The following EPS8 variants were observed in gnomAD, a reference collection of about 807,000 sequenced individuals.
EPS8 encodes the protein epidermal growth factor receptor kinase substrate 8.
In EPS8, 42 loss-of-function variants were observed where a neutral mutation model predicts 103.8. The ratio of observed to expected loss-of-function variants is 0.40; its 90% CI spans 0.32 to 0.52. The LOEUF is 0.52. Among genes scored for constraint, EPS8 ranks in the 20% least tolerant of loss-of-function variants. EPS8 has a pLI of 0.40. For missense variants in EPS8, 969 were observed against 1,005.1 expected (o/e 0.96, Z 0.49); for synonymous variants, 344 against 344.6 (o/e 1.00, Z 0.02).
intron 8 of EPS8, among the ~76,000 whole-genome samples, chr12:15,663,944 A>AATAAT (rs869135353): frequency 1.2e-5 from 1 of 85,974 alleles, no homozygotes; most frequent in African/African-American, 4.5e-5. Flanking sequence ...AAAAAAAAAA[A>AATAAT]AATAATATAT....
chr12:15,723,835 A>T (rs1388939998), intron 1 of EPS8, among the ~76,000 whole-genome samples: 1 of 152,172 alleles, frequency 6.6e-6, no homozygotes, highest in Non-Finnish European at 1.5e-5. Flanking sequence ...AAGAAGATGA[A>T]GTTTACCCAC....
intron 18 of EPS8, 144 bp downstream of exon 18, chr12:15,631,298 A>T: frequency 8.6e-7 from 1 of 1,161,696 alleles, no homozygotes; most frequent in Non-Finnish European, 1.2e-6. Context: ...GCTGATGAGA[A>T]ACCAGGTGAA....
Position 15,727,312 on chromosome 12 carries a change from C to G in EPS8, c.-21-44340G>C, listed in dbSNP as rs187194258. ...CGAAGTAGATTAACTCTCACTATAT[C>G]CCCAAGTAGATCTGACCATTTGGCA... On this transcript the variant is annotated intron_variant, in intron 1 of 20. Transcript: ENST00000281172. The surrounding 1 kb of genome is among the most constrained non-coding windows in gnomAD (Gnocchi z 4.3). Among the ~76,000 whole-genome samples the G allele has an allele frequency of 3.9e-3, 597 of 152,278 alleles. 3 individuals are homozygous for G. Among genetic ancestry groups the G allele is most frequent in the Middle Eastern group, 0.017 (5 of 292 alleles).
At chr12:15,669,292 G>A in intron 6 of EPS8, 95 bp downstream of exon 6, 1 of 1,077,918 alleles carries the variant, frequency 9.3e-7, no homozygotes, top group Non-Finnish European at 1.3e-6. Context: ...TAAAAATCTA[G>A]TAACTAATAT....
chr12:15,643,852 G>A (rs1412871467), intron 15 of EPS8, among the ~76,000 whole-genome samples: 1 of 151,730 alleles, frequency 6.6e-6, no homozygotes, highest in Non-Finnish European at 1.5e-5. Flanking sequence ...CCACTTGATA[G>A]AGAGCAGACA....
chr12:15,663,944 A>AAAAAAAAAT (rs1555112203), intron 8 of EPS8, among the ~76,000 whole-genome samples: 2 of 85,976 alleles, frequency 2.3e-5, no homozygotes, highest in African/African-American at 9.0e-5. Context: ...AAAAAAAAAA[A>AAAAAAAAAT]AATAATATAT....
chr12:15,623,867 T>C (rs1020046295), intron 19 of EPS8, among the ~76,000 whole-genome samples: 4 of 152,210 alleles, frequency 2.6e-5, no homozygotes, highest in African/African-American at 9.6e-5. Flanking sequence ...AAGCTTATGC[T>C]CTATGTCCTA....
chr12:15,691,523 G>T (rs998313358), intron 1 of EPS8, among the ~76,000 whole-genome samples: 2 of 152,176 alleles, frequency 1.3e-5, no homozygotes, highest in Non-Finnish European at 2.9e-5. Flanking sequence ...AGGGCTGGAA[G>T]CGGGAGACAT....
intron 12 of EPS8, among the ~76,000 whole-genome samples, chr12:15,655,976 T>C (rs998495822): frequency 1.3e-5 from 2 of 152,182 alleles, no homozygotes; most frequent in African/African-American, 4.8e-5. Context: ...GGAGAGACCA[T>C]TAATAAGGTG....
At chr12:15,647,089 T>C in intron 15 of EPS8, 38 bp downstream of exon 15, 7 of 1,591,918 alleles carry the variant, frequency 4.4e-6, no homozygotes, top group Non-Finnish European at 6.0e-6. Context: ...CAGAGACATT[T>C]ATCCACAGCT....
chr12:15,715,632 G>A (rs767728668), intron 1 of EPS8, among the ~76,000 whole-genome samples: 13 of 150,686 alleles, frequency 8.6e-5, no homozygotes, highest in African/African-American at 2.7e-4. Flanking sequence ...GTGATCTGCC[G>A]GCCTCCCAAA....
intron 9 of EPS8, 58 bp downstream of exon 9, chr12:15,661,968 G>C (rs1945612843): frequency 8.0e-7 from 1 of 1,248,868 alleles, no homozygotes; most frequent in African/African-American, 1.5e-5. Flanking sequence ...TTCTTATGAA[G>C]TTTTCTTTTT....
At chr12:15,707,855 A>G (rs1394898233) in intron 1 of EPS8, among the ~76,000 whole-genome samples, 1 of 152,056 alleles carries the variant, frequency 6.6e-6, no homozygotes, top group African/African-American at 2.4e-5. Context: ...TTGTTCCCCA[A>G]CTTCCAACAC....
rs200844984 is a variant in EPS8 at position 15,631,664 on chromosome 12, T to G, written c.1822A>C (p.Lys608Gln). The change falls in exon 18 of 21, where the codon AAA (lysine) becomes CAA (glutamine). Residue 608 changes from lysine (K) to glutamine (Q), a missense_variant and splice_region_variant. Transcript: ENST00000281172. Reference protein sequence around the residue: ...ADPPYTHTIQKQRMEYGPRPA... With the variant: ...ADPPYTHTIQQQRMEYGPRPA... ...CTTGGGCCATACTCCATCCTTTGTTTCTATAAAAAGACAAATAATTAACTT... is the reference window on the plus strand; with the variant it reads ...CTTGGGCCATACTCCATCCTTTGTTGCTATAAAAAGACAAATAATTAACTT... 2.5e-4 allele frequency: 399 copies of G among 1,604,050 alleles called. 2 individuals carry two copies. In the Middle Eastern group the frequency reaches 0.016, roughly 63 times the overall value.
chr12:15,627,768 GAA>G, intron 18 of EPS8, among the ~76,000 whole-genome samples: 1 of 152,172 alleles, frequency 6.6e-6, no homozygotes, highest in East Asian at 1.9e-4. Flanking sequence ...AAAAGTACAG[GAA>G]GGGGAATCAT....
chr12:15,673,688 T>C (rs1945854835), intron 3 of EPS8, among the ~76,000 whole-genome samples: 1 of 152,212 alleles, frequency 6.6e-6, no homozygotes, highest in Admixed American at 6.5e-5. Context: ...CAGAACATTT[T>C]CCTTTCCAAA....
chr12:15,692,100 C>T (rs1378397694), intron 1 of EPS8, among the ~76,000 whole-genome samples: 2 of 152,142 alleles, frequency 1.3e-5, no homozygotes, highest in Non-Finnish European at 2.9e-5. Flanking sequence ...CCTTCACGTT[C>T]CCCCTGTCTT....
At chr12:15,675,079 T>A (rs1591843827) in intron 3 of EPS8, among the ~76,000 whole-genome samples, 2 of 152,316 alleles carry the variant, frequency 1.3e-5, no homozygotes, top group Admixed American at 1.3e-4. Context: ...GGAATGGATA[T>A]GTGTTAAGAA....
intron 1 of EPS8, among the ~76,000 whole-genome samples, chr12:15,756,641 G>A (rs1946989173): frequency 1.3e-5 from 2 of 152,004 alleles, no homozygotes; most frequent in Admixed American, 6.6e-5. Flanking sequence ...TTAATACATT[G>A]TACCTTATAT....
Sources: allele counts gnomAD v4.1 joint callset (sites outside exome capture counted in the v4.1 genomes callset), GRCh38; gene constraint gnomAD v4.1.1; non-coding constraint Gnocchi (gnomAD v3.1); transcripts MANE v1.5; gene names NCBI Gene and HGNC (gene_info 2026-07-23, HGNC 2026-07-21).